SHISAL1: variants seen among roughly 807,000 people sequenced by gnomAD.
SHISAL1 encodes shisa like 1, also known as protein shisa-like-1.
Under a neutral mutation model 22.6 loss-of-function variants are expected in SHISAL1, and 9 were observed. The observed-to-expected ratio is 0.40, with a 90% CI of 0.24 to 0.70. SHISAL1 has a LOEUF of 0.70. SHISAL1 is among the 30% of genes least tolerant of loss of function. SHISAL1 has a pLI of 0.39. For synonymous variants in SHISAL1, 119 were observed against 115.4 expected (o/e 1.03, Z -0.20); for missense variants, 246 against 270.6 (o/e 0.91, Z 0.64).
intron 4 of SHISAL1, among the ~76,000 whole-genome samples, chr22:44,265,903 T>C (rs1286248212): frequency 1.3e-5 from 2 of 152,206 alleles, no homozygotes; most frequent in Admixed American, 6.5e-5. Context: ...CTGGTGCCAG[T>C]AAGCCTCTGG....
chr22:44,257,257 T>A (rs1221363795), intron 4 of SHISAL1, among the ~76,000 whole-genome samples: 1 of 152,186 alleles, frequency 6.6e-6, no homozygotes, highest in Non-Finnish European at 1.5e-5. Flanking sequence ...ACAAGCACAT[T>A]AATCACAGAA....
At chr22:44,328,467 G>A in the SHISAL1 span, among the ~76,000 whole-genome samples, 7 of 152,152 alleles carry the variant, frequency 4.6e-5, no homozygotes, top group African/African-American at 1.7e-4. Context: ...CCCTAGTGCT[G>A]TGGAGGGTGC....
At chr22:44,293,872 GGCC>G (rs2055369112) in intron 3 of SHISAL1, among the ~76,000 whole-genome samples, 1 of 152,232 alleles carries the variant, frequency 6.6e-6, no homozygotes, top group African/African-American at 2.4e-5. Flanking sequence ...CCCAGGGGAA[GGCC>G]TTTACTTTGC....
chr22:44,298,479 AC>A (rs35309281), intron 2 of SHISAL1, among the ~76,000 whole-genome samples: 8,580 of 152,294 alleles, frequency 0.056, 533 homozygotes, highest in East Asian at 0.18. Context: ...TTTGGGGCCC[AC>A]TGGCCTAGCG....
chr22:44,330,410 C>T, the SHISAL1 span, among the ~76,000 whole-genome samples: 3 of 152,160 alleles, frequency 2.0e-5, no homozygotes, highest in Non-Finnish European at 4.4e-5. Context: ...GTGACAGGTG[C>T]AATCACTTAA....
chr22:44,321,752 C>A, the SHISAL1 span, among the ~76,000 whole-genome samples: 5 of 152,146 alleles, frequency 3.3e-5, no homozygotes, highest in Non-Finnish European at 5.9e-5. Flanking sequence ...TGCAGGGAAG[C>A]GGGACCAACC....
At chr22:44,301,060 G>A in intron 1 of SHISAL1, 83 bp from the exon 2 acceptor site, 1 of 897,686 alleles carries the variant, frequency 1.1e-6, no homozygotes, top group Admixed American at 2.1e-5. Flanking sequence ...GGGACGGGCA[G>A]GCGGGCAGCG....
At position 44,305,418 on chromosome 22, in the gene SHISAL1, G is replaced by C. The variant is rs140127639; in HGVS notation, c.-32-4441C>G. ...TGGCCAGGGCTGGCCCTCAGCCCCCGATCTGCCTTCGCAGACCCAGGGTCC... is the reference window on the plus strand; with the variant it reads ...TGGCCAGGGCTGGCCCTCAGCCCCCCATCTGCCTTCGCAGACCCAGGGTCC... On this transcript the variant is annotated intron_variant, in intron 1 of 4. Transcript: ENST00000381176. 7.6e-4 allele frequency among the ~76,000 whole-genome samples: 116 copies of C among 152,318 alleles called. 2 individuals carry two copies. Among genetic ancestry groups the C allele is most frequent in the African/African-American group, 2.7e-3 (111 of 41,566 alleles).
intron 4 of SHISAL1, among the ~76,000 whole-genome samples, chr22:44,278,500 C>A (rs148556609): frequency 6.6e-6 from 1 of 152,200 alleles, no homozygotes; most frequent in Non-Finnish European, 1.5e-5. Context: ...GCGACTGTCC[C>A]TTGGGGGAGT....
intron 1 of SHISAL1, among the ~76,000 whole-genome samples, chr22:44,308,338 A>G (rs1415929144): frequency 6.6e-6 from 1 of 151,930 alleles, no homozygotes; most frequent in Non-Finnish European, 1.5e-5. Context: ...CCACCTAATC[A>G]CCTACCTGCC....
chr22:44,321,991 G>C, the SHISAL1 span, among the ~76,000 whole-genome samples: 1 of 152,176 alleles, frequency 6.6e-6, no homozygotes, highest in Non-Finnish European at 1.5e-5. Flanking sequence ...AAAACCACAT[G>C]GTGGTGAAGG....
the SHISAL1 span, among the ~76,000 whole-genome samples, chr22:44,318,316 G>A: frequency 2.0e-5 from 3 of 152,378 alleles, no homozygotes; most frequent in South Asian, 2.1e-4. Context: ...CTGTTGCTTT[G>A]GGGGAGTGTT....
chr22:44,285,353 G>C, intron 4 of SHISAL1, 75 bp downstream of exon 4: 2 of 1,459,132 alleles, frequency 1.4e-6, no homozygotes, highest in Non-Finnish European at 9.5e-7. Flanking sequence ...ACTATGGCGA[G>C]AGTGATGGCG....
chr22:44,297,610 C>T (rs2055396411), intron 2 of SHISAL1, among the ~76,000 whole-genome samples: 1 of 152,246 alleles, frequency 6.6e-6, no homozygotes, highest in Admixed American at 6.5e-5. Flanking sequence ...GGAACCCTCC[C>T]ACCACTCTGC....
upstream of SHISAL1, among the ~76,000 whole-genome samples, chr22:44,314,217 G>A (rs929087868): frequency 2.7e-5 from 4 of 150,460 alleles, no homozygotes; most frequent in African/African-American, 7.4e-5. Context: ...TGGGGGTGGG[G>A]GAGTGTTCCT....
chr22:44,299,489 A>G lies in SHISAL1; in HGVS notation c.67+1390T>C, dbSNP rs183034590. ...GGACCAGGTGAGCCAAAGCATGGGA[A>G]GCATCTGGGGTGGGGAGAGCAGCTG... On this transcript the variant is annotated intron_variant, in intron 2 of 4. Transcript: ENST00000381176. 4.3e-4 allele frequency among the ~76,000 whole-genome samples: 66 copies of G among 152,302 alleles called. 1 individual carries two copies. Among genetic ancestry groups the G allele is most frequent in the African/African-American group, 1.3e-3 (55 of 41,560 alleles).
chr22:44,276,881 T>C (rs1417190507), intron 4 of SHISAL1, among the ~76,000 whole-genome samples: 1 of 151,896 alleles, frequency 6.6e-6, no homozygotes, highest in East Asian at 1.9e-4. Context: ...GTGTCTAAGA[T>C]CAGGCAGATG....
chr22:44,308,472 A>G (rs1361725525), intron 1 of SHISAL1, among the ~76,000 whole-genome samples: 1 of 152,054 alleles, frequency 6.6e-6, no homozygotes, highest in East Asian at 1.9e-4. Context: ...GCCTTTACTC[A>G]TGCTGTTCCC....
At chr22:44,278,725 G>T (rs2055256906) in intron 4 of SHISAL1, among the ~76,000 whole-genome samples, 1 of 152,132 alleles carries the variant, frequency 6.6e-6, no homozygotes, top group Admixed American at 6.5e-5. Context: ...CAGGGGTCCC[G>T]ATGCACCTCA....
Sources: gnomAD v4.1 joint callset for allele counts (sites outside exome capture counted in the v4.1 genomes callset) on GRCh38, gnomAD v4.1.1 for gene constraint, MANE v1.5 for transcripts, NCBI Gene and HGNC (gene_info 2026-07-23, HGNC 2026-07-21) for gene names.